PPFIA2: variants seen among roughly 807,000 people sequenced by gnomAD.
The protein encoded by PPFIA2 is PPFI scaffold protein A2, also known as liprin-alpha-2.
PPFIA2 carries 46 observed loss-of-function variants against 175.5 expected under a neutral mutation model. The ratio of observed to expected loss-of-function variants is 0.26; its 90% CI spans 0.21 to 0.34. PPFIA2 has a LOEUF of 0.34. Among genes scored for constraint, PPFIA2 ranks in the 10% least tolerant of loss-of-function variants. The pLI, the probability that PPFIA2 is intolerant of heterozygous loss-of-function variation, is 1.00. For synonymous variants in PPFIA2, 568 were observed against 511.4 expected, an observed-to-expected ratio of 1.11 and a Z score of -1.49; for missense variants, 1,179 against 1,506.1, an observed-to-expected ratio of 0.78 and a Z score of 3.60.
intron 21 of PPFIA2, among the ~76,000 whole-genome samples, chr12:81,333,858 G>T (rs2056607524): frequency 6.6e-6 from 1 of 152,232 alleles, no homozygotes; most frequent in East Asian, 1.9e-4. Flanking sequence ...AACAGAGTGA[G>T]TCCTAATCAT....
chr12:81,582,958 T>G (rs956655451), intron 4 of PPFIA2, among the ~76,000 whole-genome samples: 1 of 151,904 alleles, frequency 6.6e-6, no homozygotes, highest in African/African-American at 2.4e-5. Context: ...AATAAAAATA[T>G]CACTTCCTAT....
At chr12:81,327,974 A>G (rs1484832380) in intron 21 of PPFIA2, among the ~76,000 whole-genome samples, 1 of 152,202 alleles carries the variant, frequency 6.6e-6, no homozygotes, top group Non-Finnish European at 1.5e-5. Flanking sequence ...AATGGGACGT[A>G]AGGCCATTGT....
rs1312751709 is a variant in PPFIA2 at position 81,746,088 on chromosome 12, A to G, written c.249+7885T>C. 2.1e-5 allele frequency among the ~76,000 whole-genome samples: 3 copies of G among 144,740 alleles called. 1 individual carries two copies. The East Asian group carries it at 6.3e-4, about 30-fold the overall frequency. The allele number at this position is 144,740 out of a possible 152,430, so 95.0% of individuals were successfully genotyped here. A position where few individuals can be genotyped will look rare whatever the true frequency, so the allele number is the denominator to read the frequency against. ...TCCTGCAAATAAAGTCTTGTGCCTC[A>G]CTTAATTAGCTTCATCTCCAACAGA... On this transcript the variant is annotated intron_variant, in intron 3 of 32. Transcript: ENST00000549396.
At chr12:81,673,004 T>C (rs746792498) in intron 4 of PPFIA2, among the ~76,000 whole-genome samples, 21 of 152,046 alleles carry the variant, frequency 1.4e-4, no homozygotes, top group African/African-American at 4.8e-4. Context: ...ACACCTTTCA[T>C]TGTGTATATA....
intron 16 of PPFIA2, 124 bp from the exon 17 acceptor site, chr12:81,353,463 T>C: frequency 1.6e-6 from 1 of 644,790 alleles, no homozygotes; most frequent in Non-Finnish European, 2.7e-6. Flanking sequence ...CTGAACCAAT[T>C]ATTAACATTT....
intron 4 of PPFIA2, among the ~76,000 whole-genome samples, chr12:81,645,496 T>C (rs919686874): frequency 1.3e-5 from 2 of 152,226 alleles, no homozygotes; most frequent in Non-Finnish European, 2.9e-5. Context: ...GAGTTTTATT[T>C]CTACTTCGGA....
At chr12:81,695,901 G>A (rs1230640408) in intron 3 of PPFIA2, among the ~76,000 whole-genome samples, 3 of 152,024 alleles carry the variant, frequency 2.0e-5, no homozygotes, top group Non-Finnish European at 4.4e-5. Context: ...TTATATAATT[G>A]TCTGAATAAG....
chr12:81,741,048 G>C (rs372622831), intron 3 of PPFIA2, among the ~76,000 whole-genome samples: 1 of 152,010 alleles, frequency 6.6e-6, no homozygotes, highest in Non-Finnish European at 1.5e-5. Flanking sequence ...AAAACATGAA[G>C]AATGTGAAAA....
chr12:81,591,604 G>A (rs549179430), intron 4 of PPFIA2, among the ~76,000 whole-genome samples: 2 of 152,078 alleles, frequency 1.3e-5, no homozygotes, highest in Admixed American at 1.3e-4. Context: ...GGTGCCCTAC[G>A]TCCCAGCTAC....
intron 3 of PPFIA2, among the ~76,000 whole-genome samples, chr12:81,678,763 T>C (rs982695326): frequency 1.3e-5 from 2 of 151,864 alleles, no homozygotes; most frequent in African/African-American, 4.8e-5. Flanking sequence ...ATTGTATCAT[T>C]TGAGGAATGT....
At chr12:81,566,962 T>C (rs796710295) in intron 4 of PPFIA2, among the ~76,000 whole-genome samples, 1 of 152,374 alleles carries the variant, frequency 6.6e-6, no homozygotes, top group African/African-American at 2.4e-5. Flanking sequence ...CTGCATGTTG[T>C]AAGAATAAAA....
intron 21 of PPFIA2, among the ~76,000 whole-genome samples, chr12:81,337,987 T>C (rs1166222699): frequency 6.6e-6 from 1 of 152,096 alleles, no homozygotes; most frequent in Non-Finnish European, 1.5e-5. Context: ...TTTAATTCCT[T>C]TGCTGGAGAA....
chr12:81,703,333 C>T (rs2076720953), intron 3 of PPFIA2, among the ~76,000 whole-genome samples: 1 of 151,970 alleles, frequency 6.6e-6, no homozygotes, highest in Admixed American at 6.6e-5. Context: ...CCTTCTTAGA[C>T]TTCTCTATCT....
chr12:81,675,510 T>G (rs546875834), intron 4 of PPFIA2: 1 of 152,172 alleles, frequency 6.6e-6, no homozygotes, highest in Admixed American at 6.6e-5. Context: ...TATTTTATTT[T>G]GCTTTGAACA....
intron 4 of PPFIA2, among the ~76,000 whole-genome samples, chr12:81,583,035 T>C (rs1595247886): frequency 6.6e-6 from 1 of 151,946 alleles, no homozygotes; most frequent in African/African-American, 2.4e-5. Context: ...CTTGAATTCC[T>C]TGCCTCCTTA....
chr12:81,396,873 C>A (rs1385440659), intron 8 of PPFIA2, among the ~76,000 whole-genome samples: 1 of 151,912 alleles, frequency 6.6e-6, no homozygotes, highest in Non-Finnish European at 1.5e-5. Flanking sequence ...TGGTAGGATT[C>A]TGGATATATT....
At chr12:81,384,355 A>T (rs2038447844) in intron 8 of PPFIA2, 111 bp from the exon 9 acceptor site, 4 of 832,598 alleles carry the variant, frequency 4.8e-6, no homozygotes, top group Non-Finnish European at 7.2e-6. Context: ...AGAAATAAGA[A>T]ATTCTGAAAA....
intron 4 of PPFIA2, among the ~76,000 whole-genome samples, chr12:81,487,452 G>A (rs1270068501): frequency 6.6e-6 from 1 of 151,758 alleles, no homozygotes; most frequent in Non-Finnish European, 1.5e-5. Context: ...ACAAGTATGA[G>A]CACTTGGTAA....
intron 7 of PPFIA2, among the ~76,000 whole-genome samples, chr12:81,433,392 G>A (rs2048438177): frequency 6.6e-6 from 1 of 152,114 alleles, no homozygotes; most frequent in African/African-American, 2.4e-5. Flanking sequence ...GCTTGTGCCT[G>A]TATTTTGTAT....
Sources: gnomAD v4.1 joint callset for allele counts (sites outside exome capture counted in the v4.1 genomes callset) on GRCh38, gnomAD v4.1.1 for gene constraint, MANE v1.5 for transcripts, NCBI Gene and HGNC (gene_info 2026-07-23, HGNC 2026-07-21) for gene names.